The following SUGCT variants were observed in gnomAD, a reference collection of about 807,000 sequenced individuals.
SUGCT encodes the protein succinyl-CoA:glutarate CoA-transferase.
A neutral mutation model predicts 55.0 loss-of-function variants in SUGCT; 41 were observed. That is an observed-to-expected ratio of 0.74 (90% CI 0.58 to 0.97). The LOEUF (loss-of-function observed/expected upper bound fraction) is 0.97, where lower values mean the gene tolerates loss of function less well. Among genes scored for constraint, SUGCT ranks in the 50% least tolerant of loss-of-function variants. The pLI, the probability that SUGCT is intolerant of heterozygous loss-of-function variation, is 0.00. For synonymous variants in SUGCT, 187 were observed against 200.4 expected, an observed-to-expected ratio of 0.93 and a Z score of 0.56; for missense variants, 568 against 547.8, an observed-to-expected ratio of 1.04 and a Z score of -0.37.
chr7:40,694,237 G>C (rs150168933), intron 12 of SUGCT, among the ~76,000 whole-genome samples: 2 of 152,288 alleles, frequency 1.3e-5, no homozygotes, highest in East Asian at 3.9e-4. Context: ...ACTTGTTTCC[G>C]TTGTGCGAAA....
At chr7:41,036,682 C>G in the SUGCT span, among the ~76,000 whole-genome samples, 1 of 152,170 alleles carries the variant, frequency 6.6e-6, no homozygotes, top group African/African-American at 2.4e-5. Context: ...TTTGCACCAA[C>G]CTAATAGCTG....
At position 40,318,871 on chromosome 7, in the gene SUGCT, T is replaced by C. The variant is rs113675802; in HGVS notation, c.816+2016T>C. On this transcript the variant is annotated intron_variant, in intron 9 of 13. Coordinates refer to ENST00000335693, the MANE Select transcript of SUGCT (RefSeq NM_001193313.2). ...AAGTTTATAGTTTATTTTTTGCTCA[T>C]TTAAAAAATGGAACATCATTTTAAA... Among the ~76,000 whole-genome samples, 851 of 152,362 alleles carry C rather than the reference T, an allele frequency of 5.6e-3. 7 individuals carry two copies. The highest frequency in any genetic ancestry group is 0.019 in the African/African-American group (797 of 41,594).
Position 40,519,128 on chromosome 7 carries a change from G to A in SUGCT, c.1089+22742G>A, listed in dbSNP as rs116338161. Among the ~76,000 whole-genome samples the A allele has an allele frequency of 7.8e-3, 1,184 of 152,022 alleles. 19 individuals carry two copies. Among genetic ancestry groups the A allele is most frequent in the African/African-American group, 0.026 (1,069 of 41,498 alleles). On this transcript the variant is annotated intron_variant, in intron 12 of 13. Transcript: ENST00000335693. ...AAAAGTCCATAACCTCAATCTAATC[G>A]TGAGAAAACATCGGACAAACAAATT...
chr7:40,620,877 A>C (rs1401114897), intron 12 of SUGCT, among the ~76,000 whole-genome samples: 1 of 152,164 alleles, frequency 6.6e-6, no homozygotes, highest in Non-Finnish European at 1.5e-5. Flanking sequence ...ACAGTAGGGG[A>C]AACTTCATCT....
At chr7:40,447,739 C>T (rs766858084) in intron 9 of SUGCT, among the ~76,000 whole-genome samples, 24 of 152,170 alleles carry the variant, frequency 1.6e-4, no homozygotes, top group Non-Finnish European at 2.9e-4. Context: ...TAAGCAAGTT[C>T]TGGAGGATGC....
intron 12 of SUGCT, among the ~76,000 whole-genome samples, chr7:40,715,787 T>C (rs1785989467): frequency 6.6e-6 from 1 of 152,194 alleles, no homozygotes; most frequent in Admixed American, 6.5e-5. Context: ...CCAGTCCCTG[T>C]ACCCCCAACT....
intron 7 of SUGCT, among the ~76,000 whole-genome samples, chr7:40,263,168 C>T (rs1353525391): frequency 6.6e-6 from 1 of 152,164 alleles, no homozygotes; most frequent in East Asian, 1.9e-4. Context: ...GTGATCTGCC[C>T]ACCTTGGCCT....
the SUGCT span, among the ~76,000 whole-genome samples, chr7:40,914,314 C>G: frequency 1.5e-5 from 2 of 133,184 alleles, no homozygotes; most frequent in Non-Finnish European, 3.2e-5. Flanking sequence ...TTTTAGGGTA[C>G]ATGTGCACAT....
At chr7:40,334,420 C>G (rs1387640764) in intron 9 of SUGCT, among the ~76,000 whole-genome samples, 1 of 152,112 alleles carries the variant, frequency 6.6e-6, no homozygotes, top group Non-Finnish European at 1.5e-5. Flanking sequence ...CCTGTTGTTT[C>G]CTGACATTTT....
At chr7:40,354,414 A>T (rs1562707688) in intron 9 of SUGCT, among the ~76,000 whole-genome samples, 1 of 152,178 alleles carries the variant, frequency 6.6e-6, no homozygotes, top group Non-Finnish European at 1.5e-5. Flanking sequence ...CCAGTAAGGG[A>T]ACTGTGGAGG....
chr7:40,167,736 G>C (rs555514396), intron 1 of SUGCT, among the ~76,000 whole-genome samples: 9 of 152,172 alleles, frequency 5.9e-5, no homozygotes, highest in African/African-American at 2.2e-4. Flanking sequence ...AGTCGAGAGC[G>C]GCAATGGGTG....
At chr7:40,825,888 A>G (rs1004703591) in intron 13 of SUGCT, among the ~76,000 whole-genome samples, 12 of 152,206 alleles carry the variant, frequency 7.9e-5, no homozygotes, top group Admixed American at 7.9e-4. Flanking sequence ...ACATGCCCGT[A>G]TTTATAAAGG....
At chr7:40,787,029 A>C (rs1790049212) in intron 13 of SUGCT, among the ~76,000 whole-genome samples, 1 of 151,950 alleles carries the variant, frequency 6.6e-6, no homozygotes, top group African/African-American at 2.4e-5. Context: ...GTCTGTCTTG[A>C]CTCTCAGTCC....
intron 6 of SUGCT, among the ~76,000 whole-genome samples, chr7:40,222,074 G>A (rs1416090810): frequency 1.3e-5 from 2 of 152,208 alleles, no homozygotes; most frequent in Non-Finnish European, 2.9e-5. Context: ...ATTGTGTGCT[G>A]GTTTTAGAGC....
chr7:40,382,977 A>C (rs1210688301), intron 9 of SUGCT, among the ~76,000 whole-genome samples: 1 of 152,182 alleles, frequency 6.6e-6, no homozygotes, highest in Non-Finnish European at 1.5e-5. Context: ...TACAAGAAGA[A>C]GCTTGGATAG....
the SUGCT span, among the ~76,000 whole-genome samples, chr7:40,872,079 G>A: frequency 1.3e-5 from 2 of 152,150 alleles, no homozygotes; most frequent in Non-Finnish European, 2.9e-5. Context: ...GCTGGGGATA[G>A]TGGGTACTGA....
chr7:40,941,532 G>A, the SUGCT span, among the ~76,000 whole-genome samples: 1 of 152,076 alleles, frequency 6.6e-6, no homozygotes, highest in East Asian at 1.9e-4. Context: ...TTAGAAGAAT[G>A]TATATTCTGC....
chr7:40,959,087 TATGAG>T, the SUGCT span, among the ~76,000 whole-genome samples: 35 of 152,294 alleles, frequency 2.3e-4, no homozygotes, highest in Non-Finnish European at 4.1e-4. Flanking sequence ...AGCTCTCCTG[TATGAG>T]ATATCTCTTG....
At chr7:40,484,350 A>G (rs1289278086) in intron 11 of SUGCT, among the ~76,000 whole-genome samples, 1 of 152,146 alleles carries the variant, frequency 6.6e-6, no homozygotes, top group Non-Finnish European at 1.5e-5. Flanking sequence ...TGCCAATATT[A>G]TGAGACATTT....
Sources: gnomAD v4.1 joint callset for allele counts (sites outside exome capture counted in the v4.1 genomes callset) on GRCh38, gnomAD v4.1.1 for gene constraint, MANE v1.5 for transcripts, NCBI Gene and HGNC (gene_info 2026-07-23, HGNC 2026-07-21) for gene names.